The following PRR5L variants were observed in gnomAD, a reference collection of about 807,000 sequenced individuals.
The protein encoded by PRR5L is proline rich 5 like.
Under a neutral mutation model 36.4 loss-of-function variants are expected in PRR5L, and 21 were observed. The ratio of observed to expected loss-of-function variants is 0.58; its 90% CI spans 0.41 to 0.83. The LOEUF (loss-of-function observed/expected upper bound fraction) is 0.83. PRR5L is among the 40% of genes least tolerant of loss of function. PRR5L has a pLI of 0.00. For synonymous variants in PRR5L, 188 were observed against 197.0 expected (o/e 0.95, Z 0.38); for missense variants, 381 against 473.3 (o/e 0.80, Z 1.81).
At chr11:36,376,118 A>G in intron 1 of PRR5L, 1 of 1,288,664 alleles carries the variant, frequency 7.8e-7, no homozygotes, top group Non-Finnish European at 1.0e-6. Context: ...TTTTTTTTTT[A>G]AGTCAAAAAG....
chr11:36,308,341 G>A (rs1856456733), intron 1 of PRR5L, among the ~76,000 whole-genome samples: 1 of 152,142 alleles, frequency 6.6e-6, no homozygotes, highest in Non-Finnish European at 1.5e-5. Context: ...CTATCTTCAG[G>A]CCCCAATCCT....
In PRR5L at chr11:36,344,955, G is replaced by T. The variant is rs1346683193; in HGVS notation, c.-126+48517G>T. Among the ~76,000 whole-genome samples the T allele has an allele frequency of 2.0e-5, 3 of 152,128 alleles. No individual in the cohort carries two copies. The highest frequency in any genetic ancestry group is 4.4e-5 in the Non-Finnish European group (3 of 68,008). ...AAAGTCATCAAATTTTCAGGCAGGGGCCAGAAAGGAAAAACTAGTTCACAA... is the reference window on the plus strand; with the variant it reads ...AAAGTCATCAAATTTTCAGGCAGGGTCCAGAAAGGAAAAACTAGTTCACAA... On this transcript the variant is annotated intron_variant, in intron 1 of 8. Transcript: ENST00000530639. The surrounding 1 kb of genome is among the most constrained non-coding windows in gnomAD (Gnocchi z 4.1).
chr11:36,397,561 A>T (rs1005618753), intron 1 of PRR5L, among the ~76,000 whole-genome samples: 3 of 135,876 alleles, frequency 2.2e-5, no homozygotes, highest in African/African-American at 5.6e-5. Flanking sequence ...GATTCAAGCG[A>T]TTCTCCTGCC....
At chr11:36,317,375 A>C (rs927030564) in intron 1 of PRR5L, among the ~76,000 whole-genome samples, 13 of 152,244 alleles carry the variant, frequency 8.5e-5, no homozygotes, top group African/African-American at 2.9e-4. Context: ...GAACCTGTCT[A>C]GTAGAATTGT....
intron 1 of PRR5L, among the ~76,000 whole-genome samples, chr11:36,389,141 A>G (rs934603165): frequency 6.6e-6 from 1 of 151,900 alleles, no homozygotes; most frequent in Non-Finnish European, 1.5e-5. Flanking sequence ...CCCATGTTAC[A>G]TAAGCCACTT....
intron 1 of PRR5L, chr11:36,394,311 C>T (rs1322277708): frequency 1.3e-5 from 2 of 152,196 alleles, no homozygotes; most frequent in African/African-American, 4.8e-5. Context: ...CTATACAGTT[C>T]CAGGAACCAT....
intron 1 of PRR5L, among the ~76,000 whole-genome samples, chr11:36,315,658 T>C (rs1856548206): frequency 6.6e-6 from 1 of 152,232 alleles, no homozygotes; most frequent in African/African-American, 2.4e-5. Context: ...CCCTTTGATT[T>C]TGTATAAACT....
intron 6 of PRR5L, among the ~76,000 whole-genome samples, chr11:36,438,418 T>G (rs1476359748): frequency 6.6e-6 from 1 of 152,232 alleles, no homozygotes; most frequent in Middle Eastern, 3.2e-3. Context: ...GAACAGTGTT[T>G]TAAAGGAATT....
intron 1 of PRR5L, among the ~76,000 whole-genome samples, chr11:36,310,848 T>C (rs1856493853): frequency 6.6e-6 from 1 of 151,728 alleles, no homozygotes; most frequent in African/African-American, 2.4e-5. Context: ...AATACAAAAA[T>C]TAGCTTGGCA....
At chr11:36,413,436 T>C (rs1030159123) in intron 3 of PRR5L, among the ~76,000 whole-genome samples, 1 of 152,184 alleles carries the variant, frequency 6.6e-6, no homozygotes, top group Non-Finnish European at 1.5e-5. Flanking sequence ...TGGTGGTGGT[T>C]ATTAACTTCA....
intron 3 of PRR5L, among the ~76,000 whole-genome samples, chr11:36,415,759 A>G (rs181430395): frequency 6.6e-6 from 1 of 152,164 alleles, no homozygotes; most frequent in Admixed American, 6.5e-5. Flanking sequence ...AAAACAGTTA[A>G]TTAATTAAAA....
At chr11:36,387,679 G>A (rs1017411053) in intron 1 of PRR5L, among the ~76,000 whole-genome samples, 6 of 152,212 alleles carry the variant, frequency 3.9e-5, no homozygotes, top group Admixed American at 2.0e-4. Flanking sequence ...TAATTGAATG[G>A]TGAGTCAGCA....
intron 1 of PRR5L, among the ~76,000 whole-genome samples, chr11:36,395,843 T>A (rs1857648058): frequency 6.6e-6 from 1 of 152,148 alleles, no homozygotes; most frequent in Non-Finnish European, 1.5e-5. Flanking sequence ...TGCCTTAGCC[T>A]CCTCAGTAGC....
chr11:36,312,362 G>C (rs745710391), intron 1 of PRR5L, among the ~76,000 whole-genome samples: 1 of 152,208 alleles, frequency 6.6e-6, no homozygotes, highest in Non-Finnish European at 1.5e-5. Context: ...GAGAACAGGG[G>C]TTGTGTACTC....
chr11:36,419,066 G>A (rs1244654795), intron 3 of PRR5L, among the ~76,000 whole-genome samples, 189 bp from the exon 4 acceptor site: 2 of 152,048 alleles, frequency 1.3e-5, no homozygotes, highest in African/African-American at 2.4e-5. Context: ...ACTGAGGAAC[G>A]CATCTCCTTC....
At chr11:36,400,240 CG>C (rs1390455290) in intron 1 of PRR5L, among the ~76,000 whole-genome samples, 1 of 152,200 alleles carries the variant, frequency 6.6e-6, no homozygotes, top group African/African-American at 2.4e-5. Flanking sequence ...GCGAGCTCCA[CG>C]GGGCAGGGCA....
intron 1 of PRR5L, among the ~76,000 whole-genome samples, chr11:36,399,271 G>A (rs910758730): frequency 5.3e-5 from 8 of 152,188 alleles, no homozygotes; most frequent in African/African-American, 1.9e-4. Flanking sequence ...AGACTGTACA[G>A]GAAAACAGGA....
chr11:36,310,626 A>G (rs981341391), intron 1 of PRR5L, among the ~76,000 whole-genome samples: 3 of 152,286 alleles, frequency 2.0e-5, no homozygotes, highest in African/African-American at 4.8e-5. Context: ...AGCATGGAAC[A>G]TGCACCCAAG....
intron 3 of PRR5L, among the ~76,000 whole-genome samples, chr11:36,408,686 G>A (rs2133567660): frequency 6.6e-6 from 1 of 152,228 alleles, no homozygotes; most frequent in South Asian, 2.1e-4. Flanking sequence ...TGGGTTTCAT[G>A]AGCCCTTCCA....
Sources: gnomAD v4.1 joint callset for allele counts (sites outside exome capture counted in the v4.1 genomes callset) on GRCh38, gnomAD v4.1.1 for gene constraint, Gnocchi (gnomAD v3.1) non-coding constraint, MANE v1.5 for transcripts, NCBI Gene and HGNC (gene_info 2026-07-23, HGNC 2026-07-21) for gene names.